ELMO1: variants seen among roughly 807,000 people sequenced by gnomAD.
ELMO1 encodes engulfment and cell motility 1.
In ELMO1, 26 loss-of-function variants were observed where a neutral mutation model predicts 98.9. That is an observed-to-expected ratio of 0.26 (90% confidence interval 0.19 to 0.36). The LOEUF (loss-of-function observed/expected upper bound fraction) is 0.36. ELMO1 is among the 10% of genes least tolerant of loss of function. The probability of loss-of-function intolerance (pLI) is 1.00; values close to 1 mark genes in which losing one functional copy is unlikely to be tolerated. For missense variants in ELMO1, 627 were observed against 935.2 expected, an observed-to-expected ratio of 0.67 and a Z score of 4.30; for synonymous variants, 346 against 346.0, an observed-to-expected ratio of 1.00 and a Z score of 0.00.
At chr7:37,413,520 C>T (rs1035968709) in intron 1 of ELMO1, among the ~76,000 whole-genome samples, 1 of 152,166 alleles carries the variant, frequency 6.6e-6, no homozygotes, top group Non-Finnish European at 1.5e-5. Context: ...CCAAATGAAC[C>T]AAACTGTCTG....
chr7:37,234,089 A>T (rs1794328018), intron 7 of ELMO1, among the ~76,000 whole-genome samples: 2 of 152,182 alleles, frequency 1.3e-5, no homozygotes, highest in African/African-American at 4.8e-5. Context: ...TTTATTGTAA[A>T]TTATCATCAT....
intron 15 of ELMO1, among the ~76,000 whole-genome samples, chr7:37,091,132 A>C (rs1784061517): frequency 6.6e-6 from 1 of 152,140 alleles, no homozygotes; most frequent in Admixed American, 6.5e-5. Context: ...TTTGAGGCAG[A>C]GTTTCATTCT....
chr7:36,871,324 C>T (rs1803482522), intron 19 of ELMO1, among the ~76,000 whole-genome samples: 1 of 152,148 alleles, frequency 6.6e-6, no homozygotes, highest in Non-Finnish European at 1.5e-5. Flanking sequence ...CTGCTTAAGG[C>T]CAGGCCTTTG....
chr7:37,177,868 T>G (rs73123155), intron 13 of ELMO1, among the ~76,000 whole-genome samples: 8,927 of 152,284 alleles, frequency 0.059, 401 homozygotes, highest in South Asian at 0.21. Context: ...GAGGTTTACT[T>G]TATAGATTGA....
chr7:37,285,252 C>T (rs1366053585), intron 4 of ELMO1, among the ~76,000 whole-genome samples: 1 of 152,224 alleles, frequency 6.6e-6, no homozygotes, highest in Non-Finnish European at 1.5e-5. Flanking sequence ...GAGGCCATAG[C>T]TTCTTTTCTG....
intron 1 of ELMO1, among the ~76,000 whole-genome samples, chr7:37,429,020 GT>G (rs1229701534): frequency 2.2e-3 from 9 of 4,084 alleles, no homozygotes; most frequent in African/African-American, 3.6e-3. Flanking sequence ...CGTACTGCAG[GT>G]TGTTGTTGTT....
chr7:37,327,681 A>G (rs1452729105), intron 2 of ELMO1, among the ~76,000 whole-genome samples: 1 of 152,128 alleles, frequency 6.6e-6, no homozygotes, highest in Non-Finnish European at 1.5e-5. Context: ...GGATGTACTA[A>G]TGGCAATTCA....
chr7:37,005,036 G>C (rs899108593), intron 16 of ELMO1, among the ~76,000 whole-genome samples: 9 of 143,552 alleles, frequency 6.3e-5, no homozygotes. Context: ...TTGAACCAGC[G>C]AGTTGGAGGT....
intron 1 of ELMO1, among the ~76,000 whole-genome samples, chr7:37,395,152 G>A (rs919784501): frequency 1.3e-5 from 2 of 152,042 alleles, no homozygotes; most frequent in Non-Finnish European, 2.9e-5. Context: ...GATCACCTGA[G>A]GTCGGGAGTT....
chr7:37,082,125 G>A (rs372232096), intron 15 of ELMO1, among the ~76,000 whole-genome samples: 2 of 152,176 alleles, frequency 1.3e-5, no homozygotes, highest in African/African-American at 4.8e-5. Flanking sequence ...CATGTGTCAG[G>A]TTTATTTAGA....
At chr7:36,921,306 TCTGCCTTTGG>T (rs1785137869) in intron 16 of ELMO1, among the ~76,000 whole-genome samples, 1 of 152,248 alleles carries the variant, frequency 6.6e-6, no homozygotes, top group Non-Finnish European at 1.5e-5. Flanking sequence ...GACCAAATCT[TCTGCCTTTGG>T]AACCTGGCTC....
At chr7:37,249,532 G>A (rs1448398421) in intron 6 of ELMO1, among the ~76,000 whole-genome samples, 1 of 152,156 alleles carries the variant, frequency 6.6e-6, no homozygotes, top group Non-Finnish European at 1.5e-5. Context: ...CCAGATTAGT[G>A]AGAACTCCAC....
chr7:37,424,693 C>T (rs144842211), intron 1 of ELMO1, among the ~76,000 whole-genome samples: 138 of 152,254 alleles, frequency 9.1e-4, no homozygotes, highest in Admixed American at 2.2e-3. Flanking sequence ...TCAAACATTA[C>T]TCATTTCACA....
intron 15 of ELMO1, among the ~76,000 whole-genome samples, chr7:37,023,216 T>C (rs1219078161): frequency 1.3e-5 from 2 of 152,196 alleles, no homozygotes; most frequent in South Asian, 2.1e-4. Context: ...TGGAAATTCA[T>C]TGAGTTGTGT....
chr7:37,252,243 T>C (rs1340627547), intron 6 of ELMO1, among the ~76,000 whole-genome samples: 6 of 152,212 alleles, frequency 3.9e-5, no homozygotes, highest in Non-Finnish European at 1.5e-5. Flanking sequence ...TCGAATTTCA[T>C]ATGGAACTAA....
chr7:37,417,278 A>C (rs182767397), intron 1 of ELMO1, among the ~76,000 whole-genome samples: 1 of 152,304 alleles, frequency 6.6e-6, no homozygotes, highest in African/African-American at 2.4e-5. Flanking sequence ...GTCTCTGCAG[A>C]CATAATCAAG....
chr7:36,876,781 C>A (rs1804020071), intron 19 of ELMO1, among the ~76,000 whole-genome samples: 1 of 152,178 alleles, frequency 6.6e-6, no homozygotes, highest in Admixed American at 6.5e-5. Context: ...AACTCCTGCC[C>A]CAAAGCAGGG....
At chr7:36,970,180 A>ACAC (rs1554375584) in intron 16 of ELMO1, among the ~76,000 whole-genome samples, 4 of 144,354 alleles carry the variant, frequency 2.8e-5, no homozygotes, top group Non-Finnish European at 3.0e-5. Flanking sequence ...TCATACACTT[A>ACAC]ACACACACAC....
chr7:37,149,064 T>A (rs1788189729), intron 13 of ELMO1, among the ~76,000 whole-genome samples: 1 of 152,146 alleles, frequency 6.6e-6, no homozygotes, highest in African/African-American at 2.4e-5. Context: ...GGAACGACCA[T>A]CAGCATGGGA....
Sources: gnomAD v4.1 joint callset for allele counts (sites outside exome capture counted in the v4.1 genomes callset) on GRCh38, gnomAD v4.1.1 for gene constraint, MANE v1.5 for transcripts, NCBI Gene and HGNC (gene_info 2026-07-23, HGNC 2026-07-21) for gene names.